ZNF704: variants seen among roughly 807,000 people sequenced by gnomAD.
ZNF704 encodes the protein zinc finger protein 704, also known as glucocorticoid induced gene 1.
ZNF704 carries 10 observed loss-of-function variants against 44.7 expected under a neutral mutation model. The ratio of observed to expected loss-of-function variants is 0.22; its 90% CI spans 0.14 to 0.38. The LOEUF (loss-of-function observed/expected upper bound fraction) is 0.38, where lower values mean the gene tolerates loss of function less well. Ranked by LOEUF, ZNF704 falls within the 10% of genes least tolerant of loss-of-function variation. The pLI, the probability that ZNF704 is intolerant of heterozygous loss-of-function variation, is 1.00. For synonymous variants in ZNF704, 211 were observed against 207.6 expected (o/e 1.02, Z -0.14); for missense variants, 390 against 545.5 (o/e 0.71, Z 2.84).
intron 7 of ZNF704, among the ~76,000 whole-genome samples, chr8:80,650,029 C>T (rs559569177): frequency 6.8e-4 from 103 of 152,326 alleles, no homozygotes; most frequent in Admixed American, 1.3e-3. Context: ...CTGCAGCCTC[C>T]GCTGCTGATA....
At chr8:80,731,425 C>T (rs1480941604) in intron 2 of ZNF704, among the ~76,000 whole-genome samples, 1 of 151,920 alleles carries the variant, frequency 6.6e-6, no homozygotes, top group Non-Finnish European at 1.5e-5. Context: ...TTTTAAAGAC[C>T]TGGACTACAT....
At chr8:80,828,911 T>C (rs1808423503) in intron 1 of ZNF704, among the ~76,000 whole-genome samples, 1 of 152,166 alleles carries the variant, frequency 6.6e-6, no homozygotes, top group African/African-American at 2.4e-5. Context: ...CTATGACACA[T>C]AGAGCACTAC....
upstream of ZNF704, among the ~76,000 whole-genome samples, chr8:80,877,185 GAAAAAAAAAAAAAAA>G (rs5892744): frequency 5.0e-5 from 3 of 59,724 alleles, no homozygotes; most frequent in South Asian, 9.8e-4. Flanking sequence ...CTCTGAATGG[GAAAAAAAAAAAAAAA>G]AAAAAAAAAA....
At chr8:80,861,158 T>C (rs557282023) in intron 1 of ZNF704, among the ~76,000 whole-genome samples, 1 of 152,276 alleles carries the variant, frequency 6.6e-6, no homozygotes, top group South Asian at 2.1e-4. Context: ...TTATCTTGAG[T>C]TTACAAAAAG....
chr8:80,817,602 C>T (rs1308240031), intron 2 of ZNF704, among the ~76,000 whole-genome samples: 2 of 152,108 alleles, frequency 1.3e-5, no homozygotes, highest in African/African-American at 4.8e-5. Flanking sequence ...CTCCAATGAC[C>T]CAGCCTAACA....
intron 3 of ZNF704, among the ~76,000 whole-genome samples, chr8:80,691,164 C>T (rs777233749): frequency 3.3e-5 from 5 of 152,206 alleles, no homozygotes; most frequent in Admixed American, 6.5e-5. Flanking sequence ...GGTAAGGCCT[C>T]AATGTATGTT....
At chr8:80,653,850 A>C (rs567764528) in intron 7 of ZNF704, among the ~76,000 whole-genome samples, 11 of 152,210 alleles carry the variant, frequency 7.2e-5, no homozygotes, top group African/African-American at 2.7e-4. Flanking sequence ...TTTAAAGTTC[A>C]TATGGAACCA....
intron 3 of ZNF704, among the ~76,000 whole-genome samples, chr8:80,690,255 T>C (rs1237883852): frequency 6.6e-6 from 1 of 152,218 alleles, no homozygotes; most frequent in Non-Finnish European, 1.5e-5. Context: ...AAAAGGTTTA[T>C]TTTAATTCTG....
chr8:80,772,788 G>C (rs979947870), intron 2 of ZNF704, among the ~76,000 whole-genome samples: 24 of 151,920 alleles, frequency 1.6e-4, no homozygotes, highest in African/African-American at 5.3e-4. Flanking sequence ...TCTTTCCTTT[G>C]TTTGCTTTGT....
chr8:80,671,816 T>C (rs988980433), intron 4 of ZNF704, among the ~76,000 whole-genome samples: 5 of 152,170 alleles, frequency 3.3e-5, no homozygotes, highest in Non-Finnish European at 7.3e-5. Context: ...ACATTCCTTC[T>C]AAGCCTTGCC....
At position 80,636,765 on chromosome 8, in the gene ZNF704, T is replaced by C. The variant is rs1345165141; in HGVS notation, c.*4601A>G. 1.3e-5 allele frequency: 2 copies of C among 152,210 alleles called. No individual in the cohort carries two copies. Among genetic ancestry groups the C allele is most frequent in the African/African-American group, 4.8e-5 (2 of 41,458 alleles). The allele number at this position is 152,210 out of a possible 1,614,324, so 9.4% of individuals were successfully genotyped here. On this transcript the variant is annotated 3_prime_UTR_variant, in exon 9 of 9. Transcript: ENST00000327835. ...TCATTTGTATGCACAAATTCTTCCC[T>C]GAGTTCACACAGGTCAGTGCTACAG...
chr8:80,874,449 C>G lies in ZNF704; in HGVS notation c.-22+122G>C, dbSNP rs1169590031. 6.6e-6 allele frequency: 1 copy of G among 150,956 alleles called. No homozygotes were observed. The highest frequency in any genetic ancestry group is 1.5e-5 in the Non-Finnish European group (1 of 67,648). The allele number at this position is 150,956 out of a possible 1,614,324, so 9.4% of individuals were successfully genotyped here. A position where few individuals can be genotyped will look rare whatever the true frequency, so the allele number is the denominator to read the frequency against. ...CTCCGGGCCTACCGCTGCCGTGCCTCGGCGCGAGCTGTTTGTGTTGTATGT... is the reference window on the plus strand; with the variant it reads ...CTCCGGGCCTACCGCTGCCGTGCCTGGGCGCGAGCTGTTTGTGTTGTATGT... On this transcript the variant is annotated intron_variant, in intron 1 of 8. Transcript: ENST00000327835. This position sits in a 1 kb window ranked among gnomAD's most constrained non-coding sequence, Gnocchi z 4.4.
At chr8:80,710,593 G>GC in intron 2 of ZNF704, among the ~76,000 whole-genome samples, 1 of 152,176 alleles carries the variant, frequency 6.6e-6, no homozygotes, top group Non-Finnish European at 1.5e-5. Flanking sequence ...ATGAGGTCAT[G>GC]AAGGTAGAGC....
At chr8:80,772,453 A>G (rs1181052505) in intron 2 of ZNF704, among the ~76,000 whole-genome samples, 1 of 152,158 alleles carries the variant, frequency 6.6e-6, no homozygotes, top group East Asian at 1.9e-4. Flanking sequence ...GAAACTTACA[A>G]TCATGGCGAA....
At chr8:80,878,785 A>G (rs1473462682), upstream of ZNF704, among the ~76,000 whole-genome samples, 1 of 152,218 alleles carries the variant, frequency 6.6e-6, no homozygotes, top group Non-Finnish European at 1.5e-5. Context: ...AACACACAGT[A>G]CTTTCAAAAT....
intron 2 of ZNF704, among the ~76,000 whole-genome samples, chr8:80,801,864 A>G (rs998647215): frequency 1.3e-5 from 2 of 152,176 alleles, no homozygotes; most frequent in African/African-American, 2.4e-5. Context: ...AAAACTCCTT[A>G]AAAAATTAAT....
intron 2 of ZNF704, among the ~76,000 whole-genome samples, chr8:80,769,606 C>T (rs150666784): frequency 2.0e-5 from 3 of 152,340 alleles, no homozygotes; most frequent in African/African-American, 4.8e-5. Context: ...GTGACCTTTG[C>T]TCCAGTTCCC....
chr8:80,682,722 G>A (rs779510814), intron 4 of ZNF704, among the ~76,000 whole-genome samples: 10 of 152,210 alleles, frequency 6.6e-5, no homozygotes, highest in South Asian at 2.1e-4. Context: ...GTTGCCAAAC[G>A]GCGGTGGGGG....
intron 4 of ZNF704, among the ~76,000 whole-genome samples, chr8:80,677,769 T>C (rs1224282464): frequency 1.3e-5 from 2 of 152,104 alleles, no homozygotes; most frequent in Non-Finnish European, 2.9e-5. Flanking sequence ...CTCAGAAAGG[T>C]TGTGTTTTGG....
Sources: allele counts gnomAD v4.1 joint callset (sites outside exome capture counted in the v4.1 genomes callset), GRCh38; gene constraint gnomAD v4.1.1; non-coding constraint Gnocchi (gnomAD v3.1); transcripts MANE v1.5; gene names NCBI Gene and HGNC (gene_info 2026-07-23, HGNC 2026-07-21).